DNAAF9: variants seen among roughly 807,000 people sequenced by gnomAD.
DNAAF9 encodes the protein dynein axonemal assembly factor 9.
Under a neutral mutation model 167.0 loss-of-function variants are expected in DNAAF9, and 90 were observed. The ratio of observed to expected loss-of-function variants is 0.54; its 90% CI spans 0.45 to 0.64. The LOEUF (loss-of-function observed/expected upper bound fraction) is 0.64, where lower values mean the gene tolerates loss of function less well. DNAAF9 is among the 30% of genes least tolerant of loss of function. The pLI is 0.00. For synonymous variants in DNAAF9, 491 were observed against 508.8 expected (o/e 0.96, Z 0.47); for missense variants, 1,315 against 1,442.2 (o/e 0.91, Z 1.43).
chr20:3,331,866 G>T (rs915875336), intron 11 of DNAAF9, among the ~76,000 whole-genome samples: 2 of 152,190 alleles, frequency 1.3e-5, no homozygotes, highest in African/African-American at 4.8e-5. Context: ...TAGAGATGGG[G>T]TTTTGCCATG....
chr20:3,272,059 C>T (rs539805989), intron 29 of DNAAF9, among the ~76,000 whole-genome samples: 1 of 152,200 alleles, frequency 6.6e-6, no homozygotes, highest in African/African-American at 2.4e-5. Context: ...ATCCCCGGCT[C>T]CCCTACTGTA....
At chr20:3,325,520 G>C (rs868548172) in intron 13 of DNAAF9, among the ~76,000 whole-genome samples, 1 of 152,208 alleles carries the variant, frequency 6.6e-6, no homozygotes, top group African/African-American at 2.4e-5. Context: ...TCAGTGAGGA[G>C]GGGAGATGGC....
intron 34 of DNAAF9, among the ~76,000 whole-genome samples, chr20:3,255,653 C>T (rs2068267186): frequency 6.6e-6 from 1 of 152,188 alleles, no homozygotes; most frequent in Non-Finnish European, 1.5e-5. Context: ...GCCCATCCCT[C>T]AGCATAAAGA....
At chr20:3,269,717 G>A (rs1382175521) in intron 30 of DNAAF9, among the ~76,000 whole-genome samples, 2 of 152,108 alleles carry the variant, frequency 1.3e-5, no homozygotes, top group African/African-American at 4.8e-5. Context: ...CACTTTGGGA[G>A]GCCGAGGCAG....
chr20:3,270,895 C>T (rs2068582159), intron 29 of DNAAF9, among the ~76,000 whole-genome samples: 1 of 151,276 alleles, frequency 6.6e-6, no homozygotes, highest in Admixed American at 6.6e-5. Flanking sequence ...TTACTGCAAC[C>T]TCAGCCTCCA....
At chr20:3,353,644 C>G (rs1461629151) in intron 7 of DNAAF9, among the ~76,000 whole-genome samples, 3 of 132,648 alleles carry the variant, frequency 2.3e-5, no homozygotes, top group Non-Finnish European at 4.9e-5. Context: ...CCACCCCCCC[C>G]CCCGCAAAAA....
intron 1 of DNAAF9, among the ~76,000 whole-genome samples, chr20:3,397,630 CT>C (rs2083928900): frequency 6.6e-6 from 1 of 151,716 alleles, no homozygotes; most frequent in Non-Finnish European, 1.5e-5. Context: ...ATGATTATTG[CT>C]TTTGCTTATC....
intron 10 of DNAAF9, among the ~76,000 whole-genome samples, chr20:3,334,062 T>C (rs979439142): frequency 1.3e-5 from 2 of 152,196 alleles, no homozygotes; most frequent in Non-Finnish European, 2.9e-5. Context: ...TCATTGGATG[T>C]CTGGTGTAAA....
intron 4 of DNAAF9, among the ~76,000 whole-genome samples, chr20:3,375,658 G>C (rs553394558): frequency 3.0e-4 from 45 of 152,244 alleles, no homozygotes; most frequent in African/African-American, 9.9e-4. Context: ...TCAGGAGTTT[G>C]AGACCAGTCT....
At chr20:3,356,992 C>T (rs4815583) in intron 7 of DNAAF9, among the ~76,000 whole-genome samples, 38,107 of 152,044 alleles carry the variant, frequency 0.25, 4,934 homozygotes, top group South Asian at 0.42. Context: ...GTCCAAAGTA[C>T]CAGTGCTGGG....
rs775108038 is a variant in DNAAF9 at position 3,382,500 on chromosome 20, A to C, written c.90T>G (p.Ser30Arg). The change falls in exon 2 of 37, where the codon AGT becomes AGG. Residue 30 changes from serine to arginine, a missense_variant. Ser to Arg is a moderately radical substitution (Grantham distance 110). Around this residue, in one of 2 missense-constraint regions of DNAAF9, gnomAD observed 981 missense variants for 1,012.5 expected, o/e 0.97. Coordinates refer to ENST00000252032, the MANE Select transcript of DNAAF9 (RefSeq NM_001009984.3). ...GGATGCTCTGAACCTGCCGAAGTCG[A>C]CTGCAGCTGCAACAAGAACAGAAAA... ...SSRGSPSVSC[S>R]RLRQVQSILT... The C allele has an allele frequency of 1.9e-6, 3 of 1,613,698 alleles. No individual in the cohort carries two copies. In the African/African-American group the frequency reaches 4.0e-5, roughly 22 times the overall value.
rs1568575697 is a variant in DNAAF9, at chr20:3,281,777, T to C, written c.2487-11A>G. The C allele has an allele frequency of 7.5e-6, 12 of 1,602,026 alleles. No individual in the cohort carries two copies. Among genetic ancestry groups the C allele is most frequent in the South Asian group, 1.1e-5 (1 of 88,706 alleles). The stretch of plus-strand genomic sequence containing the variant: ...ATAACATCTGTGTAGCTGGGGAAGG[T>C]AAAAAAGGAATGATTAGTTCACTGA... On this transcript the variant is annotated splice_polypyrimidine_tract_variant and intron_variant, in intron 27 of 36. Transcript: ENST00000252032.
At chr20:3,310,936 T>G (rs1164624811) in intron 20 of DNAAF9, among the ~76,000 whole-genome samples, 2 of 152,190 alleles carry the variant, frequency 1.3e-5, no homozygotes, top group African/African-American at 4.8e-5. Context: ...AATACCTGTA[T>G]GCTGCTGCTG....
intron 29 of DNAAF9, among the ~76,000 whole-genome samples, chr20:3,274,567 C>T (rs1037379499): frequency 1.3e-5 from 2 of 152,196 alleles, no homozygotes; most frequent in Admixed American, 1.3e-4. Context: ...ATGGGTGATA[C>T]TAGACAAATT....
At chr20:3,323,410 T>C (rs766349877) in intron 14 of DNAAF9, among the ~76,000 whole-genome samples, 13 of 148,276 alleles carry the variant, frequency 8.8e-5, no homozygotes, top group African/African-American at 3.0e-4. Context: ...GCCTCCCCAA[T>C]AGCTGGGACT....
At chr20:3,382,927 C>T (rs1011615229) in intron 1 of DNAAF9, among the ~76,000 whole-genome samples, 2 of 152,186 alleles carry the variant, frequency 1.3e-5, no homozygotes, top group Admixed American at 1.3e-4. Context: ...GTCTCAAAAA[C>T]AAATGCAAAC....
Position 3,330,670 on chromosome 20 carries a change from T to C in DNAAF9, c.1076A>G (p.Lys359Arg), listed in dbSNP as rs112007528. Residue 359 changes from lysine (K) to arginine (R), a missense_variant, in exon 12 of 37, where the codon AAG (lysine) becomes AGG (arginine). Coordinates refer to ENST00000252032, the MANE Select transcript of DNAAF9 (RefSeq NM_001009984.3). ...CATTTGTTCAGTTTTCTTGGGCAGCTTGCTGTCACCACCTGTGAAAGAGGC... is the reference window on the plus strand; with the variant it reads ...CATTTGTTCAGTTTTCTTGGGCAGCCTGCTGTCACCACCTGTGAAAGAGGC... The part of the protein sequence containing the change: ...THVPYLGGDS[K>R]LPKKTEQIRL... 3.0e-5 allele frequency: 48 copies of C among 1,601,174 alleles called. No individual in the cohort carries two copies. In the African/African-American group the frequency reaches 3.5e-4, roughly 12 times the overall value.
At chr20:3,272,474 G>A (rs567690341) in intron 29 of DNAAF9, among the ~76,000 whole-genome samples, 1 of 152,148 alleles carries the variant, frequency 6.6e-6, no homozygotes, top group East Asian at 1.9e-4. Context: ...TGATCCTCAT[G>A]CCTTGGCCTC....
chr20:3,297,043 C>T, intron 22 of DNAAF9, 94 bp from the exon 23 acceptor site: 1 of 734,010 alleles, frequency 1.4e-6, no homozygotes, highest in Non-Finnish European at 2.4e-6. Context: ...AAAATCTAGA[C>T]TGTCACTGCA....
Sources: allele counts gnomAD v4.1 joint callset (sites outside exome capture counted in the v4.1 genomes callset), GRCh38; gene constraint gnomAD v4.1.1; regional missense constraint gnomAD v4.1.1; transcripts MANE v1.5; gene names NCBI Gene and HGNC (gene_info 2026-07-23, HGNC 2026-07-21).